The following NIN variants were observed in gnomAD, a reference collection of about 807,000 sequenced individuals.
NIN encodes ninein, also known as glycogen synthase kinase 3 beta-interacting protein.
Under a neutral mutation model 257.6 loss-of-function variants are expected in NIN, and 137 were observed. That is an observed-to-expected ratio of 0.53 (90% CI 0.46 to 0.61). The LOEUF (loss-of-function observed/expected upper bound fraction) is 0.61. NIN is among the 20% of genes least tolerant of loss of function. The pLI is 0.00. For missense variants in NIN, 2,439 were observed against 2,501.2 expected, an observed-to-expected ratio of 0.98 and a Z score of 0.53; for synonymous variants, 918 against 919.8, an observed-to-expected ratio of 1.00 and a Z score of 0.04.
At chr14:50,773,989 G>A (rs2042828950) in intron 7 of NIN, among the ~76,000 whole-genome samples, 1 of 152,204 alleles carries the variant, frequency 6.6e-6, no homozygotes, top group Non-Finnish European at 1.5e-5. Flanking sequence ...TTATTCTGGG[G>A]TTAAAATGTT....
At chr14:50,791,807 G>GCACACACAAACA (rs57083345) in intron 5 of NIN, among the ~76,000 whole-genome samples, 23,632 of 116,576 alleles carry the variant, frequency 0.2, 2,188 homozygotes, top group Non-Finnish European at 0.24. Flanking sequence ...AGGTGCACGC[G>GCACACACAAACA]CACACACACA....
intron 4 of NIN, among the ~76,000 whole-genome samples, chr14:50,793,551 T>C (rs1187417344): frequency 6.6e-6 from 1 of 152,218 alleles, no homozygotes; most frequent in Non-Finnish European, 1.5e-5. Flanking sequence ...ATTGTATTAT[T>C]TTATCTCTTT....
chr14:50,725,891 G>A, intron 30 of NIN, 62 bp downstream of exon 30: 3 of 1,613,700 alleles, frequency 1.9e-6, no homozygotes, highest in Non-Finnish European at 2.5e-6. Flanking sequence ...ATAAAGGGAT[G>A]TAAAACTGGA....
At chr14:50,813,634 A>C (rs2044744560) in intron 3 of NIN, among the ~76,000 whole-genome samples, 3 of 152,240 alleles carry the variant, frequency 2.0e-5, no homozygotes, top group Non-Finnish European at 4.4e-5. Flanking sequence ...CACACACACA[A>C]AAAAACCCTG....
chr14:50,803,079 C>T (rs1165934251), intron 4 of NIN, among the ~76,000 whole-genome samples: 3 of 152,142 alleles, frequency 2.0e-5, no homozygotes, highest in South Asian at 2.1e-4. Context: ...CCTCGCCGGG[C>T]GCAGTGGCTC....
Position 50,757,090 on chromosome 14 carries a change from C to T in NIN, c.3940G>A (p.Val1314Ile), listed in dbSNP as rs371804748. The change falls in exon 18 of 31, where the codon GTC becomes ATC. Residue 1314 changes from valine (V) to isoleucine (I), a missense_variant. Val to Ile is a conservative substitution (Grantham distance 29). Transcript: ENST00000530997. ...FLSLEKSYDE[V>I]KIENEGLNVL... ...TTCAGCCCCTCATTTTCTATTTTGA[C>T]CTCATCGTAACTCTTTTCCAGGCTG... The T allele has an allele frequency of 1.9e-6, 3 of 1,613,330 alleles. No homozygotes were observed. The highest frequency in any genetic ancestry group is 2.5e-6 in the Non-Finnish European group (3 of 1,179,782).
At chr14:50,809,468 C>T (rs764977186) in intron 3 of NIN, among the ~76,000 whole-genome samples, 3 of 152,214 alleles carry the variant, frequency 2.0e-5, no homozygotes, top group Admixed American at 6.5e-5. Context: ...CTGAATGAAA[C>T]GTAAGTCTCT....
intron 5 of NIN, among the ~76,000 whole-genome samples, chr14:50,779,326 G>A (rs911310807): frequency 6.6e-6 from 1 of 152,128 alleles, no homozygotes; most frequent in Admixed American, 6.5e-5. Context: ...AATACAACAG[G>A]GTAGTATTTT....
Position 50,754,771 on chromosome 14 carries a change from C to T in NIN, c.4635G>A (p.Gly1545=), listed in dbSNP as rs774203670. The change falls in exon 19 of 31, where the codon GGG becomes GGA. Residue 1545 remains glycine, a synonymous_variant. Coordinates refer to ENST00000530997, the MANE Select transcript of NIN (RefSeq NM_020921.4). ...EEDSISNLKL[G]TLNGSQEEMW... is the part of the protein sequence containing the mutation. ...TTTCTTCCTGAGATCCATTTAATGT[C>T]CCTAATTTCAGGTTAGAAATGCTAT... is the stretch of plus-strand genomic sequence containing the variant. 5 of 1,581,710 alleles carry T rather than the reference C, an allele frequency of 3.2e-6. No homozygotes were observed. Among genetic ancestry groups the T allele is most frequent in the Non-Finnish European group, 4.3e-6 (5 of 1,159,298 alleles).
intron 4 of NIN, among the ~76,000 whole-genome samples, chr14:50,804,008 G>T (rs2044212912): frequency 6.6e-6 from 1 of 151,226 alleles, no homozygotes; most frequent in African/African-American, 2.4e-5. Flanking sequence ...CAATTCTCCT[G>T]CATCAGCCTT....
intron 25 of NIN, 59 bp from the exon 26 acceptor site, chr14:50,739,546 G>A: frequency 6.5e-7 from 1 of 1,532,138 alleles, no homozygotes; most frequent in South Asian, 1.2e-5. Context: ...TTGCTGTTTT[G>A]AGACAGGTGT....
intron 12 of NIN, among the ~76,000 whole-genome samples, chr14:50,770,062 G>A (rs1405105973): frequency 6.6e-6 from 1 of 152,174 alleles, no homozygotes; most frequent in African/African-American, 2.4e-5. Context: ...ATGGGGATCT[G>A]AGGGTGAGGG....
Position 50,806,732 on chromosome 14 carries a change from C to T in NIN, c.265+5G>A. 1.3e-6 allele frequency: 2 copies of T among 1,539,974 alleles called. No individual in the cohort carries two copies. Among genetic ancestry groups the T allele is most frequent in the South Asian group, 1.1e-5 (1 of 88,106 alleles). On this transcript the variant is annotated splice_donor_5th_base_variant and intron_variant, in intron 4 of 30. Transcript: ENST00000530997. The stretch of plus-strand genomic sequence containing the variant: ...AAGGCAGAGAAGAGAAGTGAGTGAC[C>T]TTACCTGGTTCTTGAAAGTGTTCTT...
rs946473081 is a variant in NIN, at chr14:50,735,671, T to A, written c.5776-54A>T. 3.2e-6 allele frequency: 5 copies of A among 1,546,126 alleles called. No individual in the cohort carries two copies. The African/African-American group carries it at 5.5e-5, about 17-fold the overall frequency. On this transcript the variant is annotated intron_variant, in intron 27 of 30. Transcript: ENST00000530997. ...GAAACAGAAACAAAAACACTTGAGT[T>A]GTTCTACTTTATTTTGACAAATCTG...
At chr14:50,763,711 T>A in intron 15 of NIN, 115 bp downstream of exon 15, 1 of 451,282 alleles carries the variant, frequency 2.2e-6, no homozygotes, top group Non-Finnish European at 3.5e-6. Flanking sequence ...TATGGCCAAA[T>A]TCTTTTTTTT....
chr14:50,799,242 C>A (rs2043975883), intron 4 of NIN, among the ~76,000 whole-genome samples: 1 of 152,192 alleles, frequency 6.6e-6, no homozygotes, highest in Non-Finnish European at 1.5e-5. Context: ...TTAGTTTCCT[C>A]ATCTGGAAGG....
Position 50,757,117 on chromosome 14 carries a change from G to C in NIN, c.3913C>G (p.Leu1305Val), listed in dbSNP as rs2042062150. 7 of 1,612,706 alleles carry C rather than the reference G, an allele frequency of 4.3e-6. No individual in the cohort carries two copies. Among genetic ancestry groups the C allele is most frequent in the South Asian group, 3.3e-5 (3 of 90,910 alleles). The change falls in exon 18 of 31, where the codon CTC (leucine) becomes GTC (valine). Residue 1305 changes from leucine to valine, a missense_variant. By Grantham distance (32) the Leu-to-Val change is conservative (BLOSUM62 1). Coordinates refer to ENST00000530997, the MANE Select transcript of NIN (RefSeq NM_020921.4). ...KKMEEVTETF[L>V]SLEKSYDEVK... is the part of the protein sequence containing the mutation. ...TCATCGTAACTCTTTTCCAGGCTGAGGAATGTTTCAGTGACTTCCTCCATT... is the reference window on the plus strand; with the variant it reads ...TCATCGTAACTCTTTTCCAGGCTGACGAATGTTTCAGTGACTTCCTCCATT...
chr14:50,725,136 A>T (rs1319437615), intron 30 of NIN, among the ~76,000 whole-genome samples: 1 of 152,212 alleles, frequency 6.6e-6, no homozygotes, highest in Non-Finnish European at 1.5e-5. Flanking sequence ...ATTAAGAAAC[A>T]GGACAACCAA....
chr14:50,755,648 C>CTTTTTTTTTTTTTTTTTTTTTT (rs71118900), intron 18 of NIN, among the ~76,000 whole-genome samples: 1 of 79,992 alleles, frequency 1.3e-5, no homozygotes. Flanking sequence ...TGTTTTGTCT[C>CTTTTTTTTTTTTTTTTTTTTTT]TTTTTTTTTT....
Sources: gnomAD v4.1 joint callset for allele counts (sites outside exome capture counted in the v4.1 genomes callset) on GRCh38, gnomAD v4.1.1 for gene constraint, MANE v1.5 for transcripts, NCBI Gene and HGNC (gene_info 2026-07-23, HGNC 2026-07-21) for gene names.